Variants in MAGEA3 observed in about 807,000 individuals in gnomAD.
The protein encoded by MAGEA3 is melanoma-associated antigen 3.
For missense variants in MAGEA3, 207 were observed against 239.1 expected (o/e 0.87, Z 0.89); for synonymous variants, 110 against 102.2 (o/e 1.08, Z -0.46).
At position 152,701,444 on chromosome X, in the gene MAGEA3, C is replaced by T. The variant is rs1556826649; in HGVS notation, c.612C>T (p.Ile204=). The change falls in exon 3 of 3, where the codon ATC becomes ATT. Residue 204 remains isoleucine, a synonymous_variant. Coordinates refer to ENST00000370278, the MANE Select transcript of MAGEA3 (RefSeq NM_005362.4). ...TGCCCAAGGCAGGCCTCCTGATAATCGTCCTGGCCATAATCGCAAGAGAGG... is the reference window on the plus strand; with the variant it reads ...TGCCCAAGGCAGGCCTCCTGATAATTGTCCTGGCCATAATCGCAAGAGAGG... ...QIMPKAGLLI[I]VLAIIAREGD... is the part of the protein sequence containing the mutation. The T allele has an allele frequency of 4.7e-3, 5,689 of 1,208,506 alleles. 180 individuals are homozygous for T. In the African/African-American group the frequency reaches 0.086, roughly 18 times the overall value.
rs141493943 is a variant in MAGEA3 at position 152,701,249 on chromosome X, C to G, written c.417C>G (p.Val139=). Residue 139 remains valine (V), a synonymous_variant, in exon 3 of 3, where the codon GTC becomes GTG. Coordinates refer to ENST00000370278, the MANE Select transcript of MAGEA3 (RefSeq NM_005362.4). ...CAAAGGCAGAAATGCTGGGGAGTGTCGTCGGAAATTGGCAGTATTTCTTTC... is the reference window on the plus strand; with the variant it reads ...CAAAGGCAGAAATGCTGGGGAGTGTGGTCGGAAATTGGCAGTATTTCTTTC... ...PVTKAEMLGS[V]VGNWQYFFPV... 42 of 1,209,434 alleles carry G rather than the reference C, an allele frequency of 3.5e-5. No individual in the cohort carries two copies. Among genetic ancestry groups the G allele is most frequent in the Non-Finnish European group, 4.7e-5 (42 of 893,997 alleles).
rs1458882797 is a variant in MAGEA3, at chrX:152,701,040, A to C, written c.208A>C (p.Ser70Arg). 3.4e-6 allele frequency: 4 copies of C among 1,191,972 alleles called. No individual in the cohort carries two copies. The African/African-American group carries it at 5.6e-5, about 17-fold the overall frequency. ...DPPQSPQGASSLPTTMNYPLW... is the reference protein window; with the variant it reads ...DPPQSPQGASRLPTTMNYPLW... Reference sequence around the variant, plus strand: ...TCCCCAGAGTCCTCAGGGAGCCTCCAGCCTCCCCACTACCATGAACTACCC... The same window carrying C: ...TCCCCAGAGTCCTCAGGGAGCCTCCCGCCTCCCCACTACCATGAACTACCC... The change falls in exon 3 of 3, where the codon AGC becomes CGC. Residue 70 changes from serine to arginine, a missense_variant. Transcript: ENST00000370278.
rs1931801021 is a variant in MAGEA3, at chrX:152,702,236, C to T, written c.*459C>T. The T allele has an allele frequency of 9.8e-6, 1 of 101,882 alleles. No individual in the cohort carries two copies. Among genetic ancestry groups the T allele is most frequent in the African/African-American group, 4.9e-5 (1 of 20,307 alleles). 8.4% of individuals were successfully genotyped at this position (101,882 alleles called of 1,213,427 possible). On this transcript the variant is annotated 3_prime_UTR_variant, in exon 3 of 3. Coordinates refer to ENST00000370278, the MANE Select transcript of MAGEA3 (RefSeq NM_005362.4). Reference sequence around the variant, plus strand: ...AAATCAAAAGATAGTTGATTCTTGCCTTGTACCTCAATCTATTCTGTAAAA... The same window carrying T: ...AAATCAAAAGATAGTTGATTCTTGCTTTGTACCTCAATCTATTCTGTAAAA...
In MAGEA3 at chrX:152,702,073, A is replaced by G; in HGVS notation, c.*296A>G. ...ACACATAGTGCTGTTTATATAGTTT[A>G]GGAGTAAGAGTCTTGTTTTTTACTC... On this transcript the variant is annotated 3_prime_UTR_variant, in exon 3 of 3. Transcript: ENST00000370278. 1 of 345,223 alleles carries G rather than the reference A, an allele frequency of 2.9e-6. No individual in the cohort carries two copies. Among genetic ancestry groups the G allele is most frequent in the South Asian group, 6.1e-5 (1 of 16,412 alleles). 28.5% of individuals were successfully genotyped at this position (345,223 alleles called of 1,213,427 possible).
Position 152,701,784 on chromosome X carries a change from G to C in MAGEA3, c.*7G>C. On this transcript the variant is annotated 3_prime_UTR_variant, in exon 3 of 3. Coordinates refer to ENST00000370278, the MANE Select transcript of MAGEA3 (RefSeq NM_005362.4). ...GAGAGAGGGGGAAGAGTGAGTCTGA[G>C]CACGAGTTGCAGCCAGGGCCAGTGG... 1 of 1,201,130 alleles carries C rather than the reference G, an allele frequency of 8.3e-7. No individual in the cohort carries two copies. The highest frequency in any genetic ancestry group is 1.1e-6 in the Non-Finnish European group (1 of 889,740).
rs1602855512 is a variant in MAGEA3 at position 152,701,878 on chromosome X, G to A, written c.*101G>A. The A allele has an allele frequency of 3.5e-6, 3 of 866,444 alleles. No homozygotes were observed. Among genetic ancestry groups the A allele is most frequent in the East Asian group, 3.1e-5 (1 of 32,025 alleles). 71.4% of individuals were successfully genotyped at this position (866,444 alleles called of 1,213,427 possible). Reference sequence around the variant, plus strand: ...GTTTCCACTGCCTCCTGTGACGTGAGGCCCATTCTTCACTCTTTGAAGCGA... The same window carrying A: ...GTTTCCACTGCCTCCTGTGACGTGAAGCCCATTCTTCACTCTTTGAAGCGA... On this transcript the variant is annotated 3_prime_UTR_variant, in exon 3 of 3. Transcript: ENST00000370278.
At position 152,701,587 on chromosome X, in the gene MAGEA3, A is replaced by G. The variant is rs1556826914; in HGVS notation, c.755A>G (p.Gln252Arg). Residue 252 changes from glutamine (Q) to arginine (R), a missense_variant, in exon 3 of 3, where the codon CAG becomes CGG. By Grantham distance (43) the Gln-to-Arg change is conservative. Transcript: ENST00000370278. ...AAGCTGCTCACCCAACATTTCGTGC[A>G]GGAAAACTACCTGGAGTACCGGCAG... ...PKKLLTQHFVQENYLEYRQVP... is the reference protein window; with the variant it reads ...PKKLLTQHFVRENYLEYRQVP... 98 of 1,209,239 alleles carry G rather than the reference A, an allele frequency of 8.1e-5. No individual in the cohort carries two copies. The highest frequency in any genetic ancestry group is 2.3e-4 in the Middle Eastern group (1 of 4,370).
At position 152,701,686 on chromosome X, in the gene MAGEA3, A is replaced by G; in HGVS notation, c.854A>G (p.Lys285Arg). 8.3e-7 allele frequency: 1 copy of G among 1,210,194 alleles called. No individual in the cohort carries two copies. Among genetic ancestry groups the G allele is most frequent in the Non-Finnish European group, 1.1e-6 (1 of 894,502 alleles). ...GCCCTCGTTGAAACCAGCTATGTGA[A>G]AGTCCTGCACCATATGGTAAAGATC... Reference protein sequence around the residue: ...PRALVETSYVKVLHHMVKISG... With the variant: ...PRALVETSYVRVLHHMVKISG... Residue 285 changes from lysine (K) to arginine (R), a missense_variant, in exon 3 of 3, where the codon AAA (lysine) becomes AGA (arginine). Coordinates refer to ENST00000370278, the MANE Select transcript of MAGEA3 (RefSeq NM_005362.4).
In MAGEA3 at chrX:152,702,134, C is replaced by T; in HGVS notation, c.*357C>T. 8.1e-6 allele frequency: 2 copies of T among 247,892 alleles called. No individual in the cohort carries two copies. Among genetic ancestry groups the T allele is most frequent in the East Asian group, 9.3e-5 (1 of 10,731 alleles). 20.4% of individuals were successfully genotyped at this position (247,892 alleles called of 1,213,427 possible). A position where few individuals can be genotyped will look rare whatever the true frequency, so the allele number is the denominator to read the frequency against. On this transcript the variant is annotated 3_prime_UTR_variant, in exon 3 of 3. Coordinates refer to ENST00000370278, the MANE Select transcript of MAGEA3 (RefSeq NM_005362.4). ...ATCCATTCCATTTTGTGAATTGTGACATAATAATAGCAGTGGTAAAAGTAT... is the reference window on the plus strand; with the variant it reads ...ATCCATTCCATTTTGTGAATTGTGATATAATAATAGCAGTGGTAAAAGTAT...
chrX:152,700,586 A>G, intron 1 of MAGEA3, 36 bp from the exon 2 acceptor site: 2 of 601,453 alleles, frequency 3.3e-6, no homozygotes, highest in Admixed American at 2.2e-5. Context: ...CGCTGGCCGG[A>G]TGTACCCTGA....
chrX:152,701,123 C>T lies in MAGEA3; in HGVS notation c.291C>T (p.Thr97=), dbSNP rs781882520. 2 of 1,208,996 alleles carry T rather than the reference C, an allele frequency of 1.7e-6. No individual in the cohort carries two copies. The highest frequency in any genetic ancestry group is 1.7e-5 in the African/African-American group (1 of 57,511). Residue 97 remains threonine, a synonymous_variant, in exon 3 of 3, where the codon ACC becomes ACT. Coordinates refer to ENST00000370278, the MANE Select transcript of MAGEA3 (RefSeq NM_005362.4). ...SSNQEEEGPS[T]FPDLESEFQA... The stretch of plus-strand genomic sequence containing the variant: ...ACCAAGAAGAGGAGGGGCCAAGCAC[C>T]TTCCCTGACCTGGAGTCCGAGTTCC...
Position 152,701,103 on chromosome X carries a change from G to C in MAGEA3, c.271G>C (p.Glu91Gln). ...ATCCTATGAGGACTCCAGCAACCAA[G>C]AAGAGGAGGGGCCAAGCACCTTCCC... is the stretch of plus-strand genomic sequence containing the variant. ...SQSYEDSSNQ[E>Q]EEGPSTFPDL... The change falls in exon 3 of 3, where the codon GAA (glutamate) becomes CAA (glutamine). Residue 91 changes from glutamate (E) to glutamine (Q), a missense_variant. Transcript: ENST00000370278. 8.3e-7 allele frequency: 1 copy of C among 1,208,131 alleles called. No individual in the cohort carries two copies. The highest frequency in any genetic ancestry group is 1.1e-6 in the Non-Finnish European group (1 of 893,716).
Position 152,701,452 on chromosome X carries a change from C to A in MAGEA3, c.620C>A (p.Ala207Asp), listed in dbSNP as rs1556826664. 1 of 1,208,543 alleles carries A rather than the reference C, an allele frequency of 8.3e-7. No individual in the cohort carries two copies. Among genetic ancestry groups the A allele is most frequent in the Non-Finnish European group, 1.1e-6 (1 of 894,262 alleles). The change falls in exon 3 of 3, where the codon GCC becomes GAC. Residue 207 changes from alanine (A) to aspartate (D), a missense_variant. Physicochemically the swap from Ala to Asp is moderately radical, Grantham distance 126. Coordinates refer to ENST00000370278, the MANE Select transcript of MAGEA3 (RefSeq NM_005362.4). Reference protein sequence around the residue: ...PKAGLLIIVLAIIAREGDCAP... With the variant: ...PKAGLLIIVLDIIAREGDCAP... ...GCAGGCCTCCTGATAATCGTCCTGGCCATAATCGCAAGAGAGGGCGACTGT... is the reference window on the plus strand; with the variant it reads ...GCAGGCCTCCTGATAATCGTCCTGGACATAATCGCAAGAGAGGGCGACTGT...
intron 1 of MAGEA3, 60 bp from the exon 2 acceptor site, chrX:152,700,562 G>A: frequency 3.6e-6 from 2 of 559,141 alleles, no homozygotes; most frequent in South Asian, 4.6e-5. Context: ...TTTCAGTCCT[G>A]CAGCCTCAGC....
Position 152,700,619 on chromosome X carries a change from C to G in MAGEA3, c.-131-3C>G, listed in dbSNP as rs1418992433. On this transcript the variant is annotated splice_polypyrimidine_tract_variant and splice_region_variant and intron_variant, in intron 1 of 2. Coordinates refer to ENST00000370278, the MANE Select transcript of MAGEA3 (RefSeq NM_005362.4). ...TGAGGTGCCCTCTCACTTCCTCCTT[C>G]AGGTTCTGAGGGGACAGGCTGACCT... The G allele has an allele frequency of 1.0e-5, 7 of 689,754 alleles. No homozygotes were observed. The highest frequency in any genetic ancestry group is 1.6e-5 in the Non-Finnish European group (7 of 425,006). The allele number at this position is 689,754 out of a possible 1,213,427, so 56.8% of individuals were successfully genotyped here. A position where few individuals can be genotyped will look rare whatever the true frequency, so the allele number is the denominator to read the frequency against.
In MAGEA3 at chrX:152,701,427, G is replaced by A. The variant is rs1459578488; in HGVS notation, c.595G>A (p.Ala199Thr). 298 of 1,208,739 alleles carry A rather than the reference G, an allele frequency of 2.5e-4. 2 individuals carry two copies. In the East Asian group the frequency reaches 3.8e-3, roughly 15 times the overall value. Residue 199 changes from alanine to threonine, a missense_variant, in exon 3 of 3, where the codon GCA becomes ACA. By Grantham distance (58) the Ala-to-Thr change is moderately conservative. Transcript: ENST00000370278. ...GGGTGACAATCAGATCATGCCCAAG[G>A]CAGGCCTCCTGATAATCGTCCTGGC... ...LLGDNQIMPK[A>T]GLLIIVLAII...
rs1556826293 is a variant in MAGEA3, at chrX:152,701,209, C to T, written c.377C>T (p.Ala126Val). The T allele has an allele frequency of 1.9e-5, 23 of 1,208,037 alleles. No homozygotes were observed. Among genetic ancestry groups the T allele is most frequent in the Middle Eastern group, 2.3e-4 (1 of 4,369 alleles). ...CATTTTCTGCTCCTCAAGTATCGAGCCAGGGAGCCGGTCACAAAGGCAGAA... is the reference window on the plus strand; with the variant it reads ...CATTTTCTGCTCCTCAAGTATCGAGTCAGGGAGCCGGTCACAAAGGCAGAA... ...LVHFLLLKYR[A>V]REPVTKAEML... Residue 126 changes from alanine to valine, a missense_variant, in exon 3 of 3, where the codon GCC (alanine) becomes GTC (valine). Ala to Val is a moderately conservative substitution (Grantham distance 64). Coordinates refer to ENST00000370278, the MANE Select transcript of MAGEA3 (RefSeq NM_005362.4).
chrX:152,701,327 G>A lies in MAGEA3; in HGVS notation c.495G>A (p.Glu165=). The A allele has an allele frequency of 1.7e-6, 2 of 1,210,241 alleles. No individual in the cohort carries two copies. Among genetic ancestry groups the A allele is most frequent in the Non-Finnish European group, 2.2e-6 (2 of 894,402 alleles). Residue 165 remains glutamate, a synonymous_variant, in exon 3 of 3, where the codon GAG becomes GAA. Transcript: ENST00000370278. ...SSSLQLVFGI[E]LMEVDPIGHL... is the part of the protein sequence containing the mutation. ...CCTTGCAGCTGGTCTTTGGCATCGA[G>A]CTGATGGAAGTGGACCCCATCGGCC...
At position 152,701,642 on chromosome X, in the gene MAGEA3, A is replaced by C. The variant is rs12846936; in HGVS notation, c.810A>C (p.Glu270Asp). The change falls in exon 3 of 3, where the codon GAA (glutamate) becomes GAC (aspartate). Residue 270 changes from glutamate (E) to aspartate (D), a missense_variant. By Grantham distance (45) the Glu-to-Asp change is conservative. Transcript: ENST00000370278. ...QVPGSDPACY[E>D]FLWGPRALVE... Reference sequence around the variant, plus strand: ...CCGGCAGTGATCCTGCATGTTATGAATTCCTGTGGGGTCCAAGGGCCCTCG... The same window carrying C: ...CCGGCAGTGATCCTGCATGTTATGACTTCCTGTGGGGTCCAAGGGCCCTCG... 1 of 1,210,402 alleles carries C rather than the reference A, an allele frequency of 8.3e-7. No homozygotes were observed. Among genetic ancestry groups the C allele is most frequent in the Non-Finnish European group, 1.1e-6 (1 of 894,482 alleles).
Sources: allele counts gnomAD v4.1 joint callset, GRCh38; gene constraint gnomAD v4.1.1; transcripts MANE v1.5; gene names NCBI Gene and HGNC (gene_info 2026-07-23, HGNC 2026-07-21).